EEFSEC: variants seen among roughly 807,000 people sequenced by gnomAD.
EEFSEC encodes eukaryotic elongation factor, selenocysteine-tRNA specific, also known as selenocysteine-specific elongation factor.
Under a neutral mutation model 42.1 loss-of-function variants are expected in EEFSEC, and 43 were observed. That is an observed-to-expected ratio of 1.02 (90% CI 0.80 to 1.32). EEFSEC has a LOEUF of 1.32. Among genes scored for constraint, EEFSEC ranks in the 40% most tolerant of loss-of-function variants. The pLI, the probability that EEFSEC is intolerant of heterozygous loss-of-function variation, is 0.00. For missense variants in EEFSEC, 745 were observed against 803.6 expected, an observed-to-expected ratio of 0.93 and a Z score of 0.88; for synonymous variants, 354 against 339.1, an observed-to-expected ratio of 1.04 and a Z score of -0.48.
chr3:128,233,706 G>T (rs1365586439), intron 1 of EEFSEC, among the ~76,000 whole-genome samples: 5 of 152,152 alleles, frequency 3.3e-5, no homozygotes. Context: ...CAGCCTCATG[G>T]TGGGCATGCA....
chr3:128,172,577 G>A lies in EEFSEC; in HGVS notation c.316+18754G>A, dbSNP rs571424992. ...ACTGCCCAAAGTGCTGGGATTACAG[G>A]TGTGAACCACTGTGACTGGCTGGGA... On this transcript the variant is annotated intron_variant, in intron 1 of 6. Transcript: ENST00000254730. Among the ~76,000 whole-genome samples the A allele has an allele frequency of 1.4e-3, 212 of 152,326 alleles. 9 individuals are homozygous for A. Among genetic ancestry groups the A allele is most frequent in the Non-Finnish European group, 1.4e-3 (96 of 68,026 alleles).
intron 6 of EEFSEC, among the ~76,000 whole-genome samples, chr3:128,380,911 C>A (rs1256249333): frequency 6.6e-6 from 1 of 152,250 alleles, no homozygotes; most frequent in Non-Finnish European, 1.5e-5. Context: ...ACTGTGTTAT[C>A]TGACTCACCG....
At chr3:128,316,425 A>G (rs2066945466) in intron 4 of EEFSEC, among the ~76,000 whole-genome samples, 1 of 152,148 alleles carries the variant, frequency 6.6e-6, no homozygotes, top group Non-Finnish European at 1.5e-5. Context: ...ACCGATGCCT[A>G]CCGCTCTCCC....
At chr3:128,161,806 A>G (rs955081787) in intron 1 of EEFSEC, among the ~76,000 whole-genome samples, 2 of 152,148 alleles carry the variant, frequency 1.3e-5, no homozygotes, top group Non-Finnish European at 2.9e-5. Context: ...CGTAAATGAA[A>G]CAAGGGGTTC....
At position 128,341,910 on chromosome 3, in the gene EEFSEC, C is replaced by A; in HGVS notation, c.1443+21C>A. The A allele has an allele frequency of 2.5e-6, 4 of 1,601,068 alleles. No individual in the cohort carries two copies. In the South Asian group the frequency reaches 4.5e-5, roughly 18 times the overall value. ...AGCGGGTGAGCATGCCCTTGCCTGGCCCCACACCCCTTCCCTTCTTGCTCG... is the reference window on the plus strand; with the variant it reads ...AGCGGGTGAGCATGCCCTTGCCTGGACCCACACCCCTTCCCTTCTTGCTCG... On this transcript the variant is annotated intron_variant, in intron 5 of 6. Coordinates refer to ENST00000254730, the MANE Select transcript of EEFSEC (RefSeq NM_021937.5).
intron 6 of EEFSEC, among the ~76,000 whole-genome samples, chr3:128,384,708 C>T (rs1248246406): frequency 6.6e-6 from 1 of 152,190 alleles, no homozygotes; most frequent in East Asian, 1.9e-4. Context: ...GTTGAGGGAC[C>T]ACATCAGAGG....
At chr3:128,242,143 T>C (rs1315904569) in intron 1 of EEFSEC, among the ~76,000 whole-genome samples, 2 of 151,866 alleles carry the variant, frequency 1.3e-5, no homozygotes, top group Non-Finnish European at 1.5e-5. Flanking sequence ...ATAGCAAGAC[T>C]CCACCTCTAC....
chr3:128,346,694 C>T (rs1338178236), intron 5 of EEFSEC, among the ~76,000 whole-genome samples: 1 of 152,102 alleles, frequency 6.6e-6, no homozygotes, highest in Non-Finnish European at 1.5e-5. Context: ...AACTATGTTA[C>T]CACCATCTGT....
At chr3:128,347,421 A>G (rs561484715) in intron 5 of EEFSEC, among the ~76,000 whole-genome samples, 2 of 152,330 alleles carry the variant, frequency 1.3e-5, no homozygotes, top group South Asian at 4.2e-4. Flanking sequence ...TAAGGGAAAT[A>G]GTTGGTATCC....
At chr3:128,168,040 A>G (rs1559851643) in intron 1 of EEFSEC, among the ~76,000 whole-genome samples, 1 of 152,156 alleles carries the variant, frequency 6.6e-6, no homozygotes, top group East Asian at 1.9e-4. Context: ...AGCATTGTCT[A>G]GGGCGTCTGT....
chr3:128,333,820 G>A (rs2067160270), intron 4 of EEFSEC, among the ~76,000 whole-genome samples: 1 of 152,230 alleles, frequency 6.6e-6, no homozygotes, highest in Admixed American at 6.5e-5. Flanking sequence ...ACCAGATCAT[G>A]CTGGGCACAC....
At chr3:128,409,869 C>A (rs1045779157), downstream of EEFSEC, among the ~76,000 whole-genome samples, 2 of 152,238 alleles carry the variant, frequency 1.3e-5, no homozygotes, top group African/African-American at 4.8e-5. Flanking sequence ...CCCTACCTGG[C>A]CCTGCAGACT....
intron 1 of EEFSEC, among the ~76,000 whole-genome samples, chr3:128,172,350 CCT>C (rs1380185701): frequency 2.0e-5 from 3 of 152,220 alleles, no homozygotes; most frequent in Admixed American, 6.5e-5. Flanking sequence ...TGCCACCTGG[CCT>C]CTCTGAGCCT....
chr3:128,314,995 C>A (rs1472774068), intron 4 of EEFSEC, among the ~76,000 whole-genome samples: 1 of 152,174 alleles, frequency 6.6e-6, no homozygotes, highest in Non-Finnish European at 1.5e-5. Context: ...GGGCTGCTTC[C>A]TAATGTGCCT....
At chr3:128,154,002 G>A (rs1944314476) in intron 1 of EEFSEC, 179 bp downstream of exon 1, 1 of 856,210 alleles carries the variant, frequency 1.2e-6, no homozygotes, top group Non-Finnish European at 1.6e-6. Flanking sequence ...AGTGAGCGGA[G>A]GCTTTGAGAT....
chr3:128,221,227 T>C (rs1447626650), intron 1 of EEFSEC, among the ~76,000 whole-genome samples: 1 of 152,180 alleles, frequency 6.6e-6, no homozygotes, highest in Non-Finnish European at 1.5e-5. Context: ...AGAAAAAATA[T>C]GCAGCCAGGT....
intron 1 of EEFSEC, among the ~76,000 whole-genome samples, chr3:128,164,492 G>A (rs1263322811): frequency 6.6e-6 from 1 of 152,200 alleles, no homozygotes; most frequent in Admixed American, 6.5e-5. Flanking sequence ...GCAGAGTCCA[G>A]AGGCATGGAA....
intron 4 of EEFSEC, among the ~76,000 whole-genome samples, chr3:128,327,864 A>G (rs1376425043): frequency 6.6e-6 from 1 of 152,168 alleles, no homozygotes; most frequent in Non-Finnish European, 1.5e-5. Context: ...TCTGAGCAAG[A>G]AGTGAGGCCC....
chr3:128,312,875 A>G (rs2066905174), intron 4 of EEFSEC, among the ~76,000 whole-genome samples: 1 of 152,248 alleles, frequency 6.6e-6, no homozygotes, highest in South Asian at 2.1e-4. Flanking sequence ...ATTACCATAT[A>G]TAGAAAATTC....
Sources: allele counts gnomAD v4.1 joint callset (sites outside exome capture counted in the v4.1 genomes callset), GRCh38; gene constraint gnomAD v4.1.1; transcripts MANE v1.5; gene names NCBI Gene and HGNC (gene_info 2026-07-23, HGNC 2026-07-21).